Variants in TLL1 observed in about 807,000 individuals in gnomAD.
The protein encoded by TLL1 is tolloid-like protein 1.
TLL1 carries 49 observed loss-of-function variants against 128.2 expected under a neutral mutation model. The ratio of observed to expected loss-of-function variants is 0.38; its 90% CI spans 0.30 to 0.48. The LOEUF (loss-of-function observed/expected upper bound fraction) is 0.48, where lower values mean the gene tolerates loss of function less well. Among genes scored for constraint, TLL1 ranks in the 20% least tolerant of loss-of-function variants. The pLI, the probability that TLL1 is intolerant of heterozygous loss-of-function variation, is 0.96. For missense variants in TLL1, 1,123 were observed against 1,242.0 expected, an observed-to-expected ratio of 0.90 and a Z score of 1.44; for synonymous variants, 454 against 418.8, an observed-to-expected ratio of 1.08 and a Z score of -1.03.
At chr4:166,052,840 G>T (rs140429449) in intron 12 of TLL1, among the ~76,000 whole-genome samples, 108 of 151,498 alleles carry the variant, frequency 7.1e-4, no homozygotes, top group African/African-American at 2.6e-3. Context: ...TGAAATCTGA[G>T]ATATTATTTT....
intron 1 of TLL1, among the ~76,000 whole-genome samples, chr4:165,892,363 A>G (rs969993789): frequency 3.3e-5 from 5 of 152,282 alleles, no homozygotes; most frequent in African/African-American, 7.2e-5. Flanking sequence ...ATTTATGGCA[A>G]TGTACCTTTT....
chr4:166,077,065 G>A (rs910658616), intron 17 of TLL1, among the ~76,000 whole-genome samples: 1 of 152,048 alleles, frequency 6.6e-6, no homozygotes, highest in African/African-American at 2.4e-5. Context: ...ATTTTAGAAT[G>A]GGATACACAG....
intron 12 of TLL1, chr4:166,044,277 C>T: frequency 2.9e-6 from 3 of 1,041,734 alleles, no homozygotes; most frequent in South Asian, 3.2e-5. Flanking sequence ...GTCATGAGCC[C>T]TACTACCCAG....
chr4:166,015,859 T>G (rs1386114676), intron 8 of TLL1, among the ~76,000 whole-genome samples: 2 of 98,696 alleles, frequency 2.0e-5, no homozygotes, highest in African/African-American at 3.1e-5. Flanking sequence ...GAAATTATGT[T>G]TTTTTTTTTC....
chr4:166,057,947 A>G (rs1740108636), intron 14 of TLL1, among the ~76,000 whole-genome samples: 1 of 152,162 alleles, frequency 6.6e-6, no homozygotes, highest in Non-Finnish European at 1.5e-5. Flanking sequence ...CATTTCACAC[A>G]TATATAAATA....
intron 1 of TLL1, among the ~76,000 whole-genome samples, chr4:165,952,992 G>C (rs980785815): frequency 6.6e-6 from 1 of 151,956 alleles, no homozygotes; most frequent in South Asian, 2.1e-4. Context: ...TTCTAACCCT[G>C]GTGGATTCAA....
chr4:166,014,490 T>A lies in TLL1; in HGVS notation c.972T>A (p.Pro324=). The change falls in exon 8 of 21, where the codon CCT becomes CCA. Residue 324 remains proline (P), a synonymous_variant. Transcript: ENST00000061240. ...LPSRDDNGIR[P]AIGQRTRLSK... The stretch of plus-strand genomic sequence containing the variant: ...CCCGTGATGATAATGGCATACGTCC[T>A]GCAATTGGTCAGCGAACCCGTCTAA... 6.2e-7 allele frequency: 1 copy of A among 1,612,598 alleles called. No individual in the cohort carries two copies. Among genetic ancestry groups the A allele is most frequent in the Non-Finnish European group, 8.5e-7 (1 of 1,178,912 alleles).
In TLL1 at chr4:165,929,130, C is replaced by T. The variant is rs567683971; in HGVS notation, c.169+55057C>T. Among the ~76,000 whole-genome samples the T allele has an allele frequency of 4.6e-5, 7 of 152,126 alleles. 1 individual carries two copies. In the Middle Eastern group the frequency reaches 0.01, roughly 222 times the overall value. ...GACAGGCAGCACTAATTTTTGGCTT[C>T]GGGCAATCAAATGCTGCTCAGCATT... On this transcript the variant is annotated intron_variant, in intron 1 of 20. Coordinates refer to ENST00000061240, the MANE Select transcript of TLL1 (RefSeq NM_012464.5).
intron 1 of TLL1, among the ~76,000 whole-genome samples, chr4:165,945,676 A>G (rs1386574532): frequency 1.3e-5 from 2 of 152,244 alleles, no homozygotes; most frequent in Admixed American, 1.3e-4. Flanking sequence ...TAAAAAAGCC[A>G]AGAGAAAAAT....
intron 1 of TLL1, among the ~76,000 whole-genome samples, chr4:165,969,689 G>C (rs1409623795): frequency 6.6e-6 from 1 of 152,068 alleles, no homozygotes; most frequent in Admixed American, 6.5e-5. Flanking sequence ...TTCAGGGCCT[G>C]CTTTTCTCTC....
At chr4:166,002,046 A>T (rs930743660) in intron 5 of TLL1, among the ~76,000 whole-genome samples, 1 of 152,172 alleles carries the variant, frequency 6.6e-6, no homozygotes, top group African/African-American at 2.4e-5. Flanking sequence ...TCAGGCTGTT[A>T]TAACAAAATG....
intron 1 of TLL1, among the ~76,000 whole-genome samples, chr4:165,883,439 A>C (rs895359072): frequency 1.4e-4 from 22 of 152,284 alleles, no homozygotes; most frequent in African/African-American, 5.3e-4. Context: ...GAGTTCTAAT[A>C]CTAAACCCCC....
At chr4:166,039,553 T>A in intron 10 of TLL1, 112 bp downstream of exon 10, 1 of 756,614 alleles carries the variant, frequency 1.3e-6, no homozygotes, top group East Asian at 2.7e-5. Context: ...GTGACTAACA[T>A]TATTTTTATG....
intron 1 of TLL1, among the ~76,000 whole-genome samples, chr4:165,913,243 T>C (rs1459293403): frequency 6.6e-6 from 1 of 152,214 alleles, no homozygotes; most frequent in East Asian, 1.9e-4. Flanking sequence ...CTTTAATACA[T>C]GTCTCTGAAA....
chr4:165,913,987 C>G (rs1375544107), intron 1 of TLL1, among the ~76,000 whole-genome samples: 1 of 151,544 alleles, frequency 6.6e-6, no homozygotes, highest in African/African-American at 2.4e-5. Flanking sequence ...GCACTCCAGC[C>G]TGGATGCCTG....
At chr4:165,959,686 G>T (rs1734998468) in intron 1 of TLL1, among the ~76,000 whole-genome samples, 1 of 152,056 alleles carries the variant, frequency 6.6e-6, no homozygotes, top group Non-Finnish European at 1.5e-5. Flanking sequence ...AATAACAGGA[G>T]TATCTTTCAA....
intron 1 of TLL1, among the ~76,000 whole-genome samples, chr4:165,919,516 C>A (rs1283740598): frequency 2.0e-5 from 3 of 151,194 alleles, no homozygotes; most frequent in Non-Finnish European, 4.4e-5. Context: ...CAATATAATT[C>A]ATATAGTATA....
chr4:165,943,286 AAG>A (rs1237142191), intron 1 of TLL1, among the ~76,000 whole-genome samples: 2 of 152,048 alleles, frequency 1.3e-5, no homozygotes. Flanking sequence ...TTAATTTCTT[AAG>A]AGTCATCTCC....
intron 1 of TLL1, among the ~76,000 whole-genome samples, chr4:165,976,905 G>GT (rs1312715255): frequency 3.9e-5 from 6 of 152,034 alleles, no homozygotes; most frequent in East Asian, 1.9e-4. Flanking sequence ...ACATTATGCG[G>GT]TTTTTTTGTA....
Sources: gnomAD v4.1 joint callset for allele counts (sites outside exome capture counted in the v4.1 genomes callset) on GRCh38, gnomAD v4.1.1 for gene constraint, MANE v1.5 for transcripts, NCBI Gene and HGNC (gene_info 2026-07-23, HGNC 2026-07-21) for gene names.